The following TLN2 variants were observed in gnomAD, a reference collection of about 807,000 sequenced individuals.
The protein encoded by TLN2 is talin-2.
A neutral mutation model predicts 294.7 loss-of-function variants in TLN2; 118 were observed. That is an observed-to-expected ratio of 0.40 (90% confidence interval 0.34 to 0.47). The LOEUF (loss-of-function observed/expected upper bound fraction) is 0.47. Among genes scored for constraint, TLN2 ranks in the 20% least tolerant of loss-of-function variants. TLN2 has a pLI of 0.84. For synonymous variants in TLN2, 1,431 were observed against 1,304.5 expected (o/e 1.10, Z -2.09); for missense variants, 3,083 against 3,282.2 (o/e 0.94, Z 1.48).
At chr15:62,768,150 C>G (rs944390986) in intron 41 of TLN2, among the ~76,000 whole-genome samples, 2 of 152,112 alleles carry the variant, frequency 1.3e-5, no homozygotes, top group Non-Finnish European at 1.5e-5. Flanking sequence ...TTCAGCAGCA[C>G]CTGGGAGTGA....
At chr15:62,622,592 A>T (rs997743441) in intron 3 of TLN2, among the ~76,000 whole-genome samples, 1 of 152,112 alleles carries the variant, frequency 6.6e-6, no homozygotes, top group African/African-American at 2.4e-5. Flanking sequence ...GGATTAAATA[A>T]TTTTTTTACA....
rs527350068 is a variant in TLN2 at position 62,446,285 on chromosome 15, G to A, written c.-238+55600G>A. On this transcript the variant is annotated intron_variant, in intron 1 of 58. Coordinates refer to ENST00000636159, the MANE Select transcript of TLN2 (RefSeq NM_015059.3). ...TGGGATCACAGGTGCGAGCCACCGC[G>A]CCCGGCTTAAGCTCTGTAGTCTTAA... Among the ~76,000 whole-genome samples the A allele has an allele frequency of 7.2e-5, 11 of 152,290 alleles. No homozygotes were observed. The South Asian group carries it at 1.5e-3, about 20-fold the overall frequency.
Position 62,708,749 on chromosome 15 carries a change from C to G in TLN2, c.2420C>G (p.Thr807Ser). Residue 807 changes from threonine to serine, a missense_variant, in exon 21 of 59, where the codon ACC becomes AGC. Transcript: ENST00000636159. ...GGCCGCTACGACCAGGCTACTGACA[C>G]CATCATGTGTGTCACCGAGAGCATC... ...PIGRYDQATD[T>S]IMCVTESIFS... 1 of 1,609,670 alleles carries G rather than the reference C, an allele frequency of 6.2e-7. No homozygotes were observed. Among genetic ancestry groups the G allele is most frequent in the Non-Finnish European group, 8.5e-7 (1 of 1,179,988 alleles).
At chr15:62,434,956 G>T (rs576848120) in intron 1 of TLN2, among the ~76,000 whole-genome samples, 2 of 152,186 alleles carry the variant, frequency 1.3e-5, no homozygotes, top group African/African-American at 4.8e-5. Flanking sequence ...GTTGTTTCCC[G>T]CTATGTGTCC....
intron 43 of TLN2, 134 bp downstream of exon 43, chr15:62,777,044 A>G (rs1567583475): frequency 2.7e-6 from 2 of 735,618 alleles, no homozygotes; most frequent in Non-Finnish European, 3.8e-6. Flanking sequence ...ATGTACAGAT[A>G]TCCAGTCACA....
At chr15:62,789,866 G>T (rs2064954230) in intron 45 of TLN2, among the ~76,000 whole-genome samples, 1 of 152,178 alleles carries the variant, frequency 6.6e-6, no homozygotes, top group African/African-American at 2.4e-5. Flanking sequence ...TTTAACTATT[G>T]TAGAAACTGT....
At chr15:62,467,397 A>G (rs1427332783) in intron 1 of TLN2, among the ~76,000 whole-genome samples, 3 of 152,230 alleles carry the variant, frequency 2.0e-5, no homozygotes, top group Non-Finnish European at 2.9e-5. Flanking sequence ...ATGGAAGACA[A>G]GAGATTATTT....
chr15:62,472,553 T>A (rs1232622018), intron 1 of TLN2, among the ~76,000 whole-genome samples: 2 of 152,208 alleles, frequency 1.3e-5, no homozygotes, highest in Non-Finnish European at 2.9e-5. Flanking sequence ...AAATGTTGCT[T>A]GATGTCATGG....
intron 1 of TLN2, among the ~76,000 whole-genome samples, chr15:62,501,081 C>T (rs747768557): frequency 1.3e-5 from 2 of 152,228 alleles, no homozygotes; most frequent in African/African-American, 2.4e-5. Flanking sequence ...ATGTGCAATG[C>T]GCCATGGGGC....
rs148613751 is a variant in TLN2, at chr15:62,472,508, T to G, written c.-238+81823T>G. 1.3e-4 allele frequency among the ~76,000 whole-genome samples: 20 copies of G among 152,350 alleles called. No individual in the cohort carries two copies. The Middle Eastern group carries it at 0.01, about 78-fold the overall frequency. On this transcript the variant is annotated intron_variant, in intron 1 of 58. Coordinates refer to ENST00000636159, the MANE Select transcript of TLN2 (RefSeq NM_015059.3). ...CTTCTCCCGTGCTTCAGCCCTGCAC[T>G]GAGTATGGGGTGTGGGCCATCCAAA...
At chr15:62,787,925 C>A (rs1330613528) in intron 45 of TLN2, among the ~76,000 whole-genome samples, 1 of 149,646 alleles carries the variant, frequency 6.7e-6, no homozygotes, top group Non-Finnish European at 1.5e-5. Context: ...CTCCTGGCCT[C>A]AAGTGATCCA....
rs144036109 is a variant in TLN2 at position 62,702,857 on chromosome 15, G to A, written c.1997G>A (p.Arg666Gln). The A allele has an allele frequency of 3.5e-3, 5,726 of 1,613,932 alleles. 18 individuals are homozygous for A. The highest frequency in any genetic ancestry group is 4.1e-3 in the Non-Finnish European group (4,809 of 1,179,838). Residue 666 changes from arginine (R) to glutamine (Q), a missense_variant, in exon 19 of 59, where the codon CGA becomes CAA. Physicochemically the swap from Arg to Gln is conservative, Grantham distance 43. Transcript: ENST00000636159. ...RQIGENETDERFQDVLMSLAK... is the reference protein window; with the variant it reads ...RQIGENETDEQFQDVLMSLAK... ...ATTGGAGAGAATGAGACTGATGAGCGATTCCAGGTAAGATATTTGCAGGCT... is the reference window on the plus strand; with the variant it reads ...ATTGGAGAGAATGAGACTGATGAGCAATTCCAGGTAAGATATTTGCAGGCT...
intron 26 of TLN2, among the ~76,000 whole-genome samples, chr15:62,724,151 A>G (rs1237649242): frequency 6.6e-6 from 1 of 152,126 alleles, no homozygotes; most frequent in East Asian, 1.9e-4. Context: ...CTGTCTCCCA[A>G]AAAAATAGAA....
In TLN2 at chr15:62,557,667, G is replaced by A. The variant is rs138337321; in HGVS notation, c.-237-32020G>A. 8.3e-3 allele frequency among the ~76,000 whole-genome samples: 1,256 copies of A among 152,042 alleles called. 16 individuals are homozygous for A. Among genetic ancestry groups the A allele is most frequent in the African/African-American group, 0.028 (1,152 of 41,476 alleles). ...AGTGATTCTCCTCCCTCAGCCTCCC[G>A]AGTAGCTGGGATTACAGGCACCCGC... On this transcript the variant is annotated intron_variant, in intron 1 of 58. Transcript: ENST00000636159.
chr15:62,434,803 C>T (rs969325705), intron 1 of TLN2, among the ~76,000 whole-genome samples: 11 of 152,154 alleles, frequency 7.2e-5, no homozygotes, highest in African/African-American at 2.2e-4. Context: ...GGAACATGTG[C>T]AGGATATGCA....
Position 62,674,309 on chromosome 15 carries a change from G to A in TLN2, c.852+419G>A, listed in dbSNP as rs115324530. Among the ~76,000 whole-genome samples the A allele has an allele frequency of 2.8e-3, 419 of 152,162 alleles. 2 individuals are homozygous for A. Among genetic ancestry groups the A allele is most frequent in the African/African-American group, 9.7e-3 (403 of 41,510 alleles). On this transcript the variant is annotated intron_variant, in intron 10 of 58. Coordinates refer to ENST00000636159, the MANE Select transcript of TLN2 (RefSeq NM_015059.3). ...AAAGTCAGAGACTTGTCCAGTCTAC[G>A]CAACCAGTAAGAAAAGCCTTAACAC...
At chr15:62,762,203 C>G (rs373443394) in intron 38 of TLN2, 69 bp from the exon 39 acceptor site, 24 of 1,564,932 alleles carry the variant, frequency 1.5e-5, no homozygotes, top group African/African-American at 1.5e-4. Flanking sequence ...AGAACAGGAC[C>G]TTTCAGGGCC....
intron 45 of TLN2, chr15:62,784,819 T>G (rs559630413): frequency 6.6e-6 from 1 of 152,262 alleles, no homozygotes. Context: ...CGTTCCTAAA[T>G]GAACTGAGTT....
intron 19 of TLN2, among the ~76,000 whole-genome samples, chr15:62,703,602 GACACAC>G (rs748715423): frequency 1.3e-4 from 16 of 127,650 alleles, no homozygotes; most frequent in African/African-American, 2.3e-4. Context: ...TGTTTACTTC[GACACAC>G]ACACACACAC....
Sources: allele counts gnomAD v4.1 joint callset (sites outside exome capture counted in the v4.1 genomes callset), GRCh38; gene constraint gnomAD v4.1.1; transcripts MANE v1.5; gene names NCBI Gene and HGNC (gene_info 2026-07-23, HGNC 2026-07-21).